NAV3: variants seen among roughly 807,000 people sequenced by gnomAD.
NAV3 encodes the protein pore membrane and/or filament interacting like protein 1.
Under a neutral mutation model 244.7 loss-of-function variants are expected in NAV3, and 87 were observed. The ratio of observed to expected loss-of-function variants is 0.36; its 90% CI spans 0.30 to 0.42. The LOEUF is 0.42. Among genes scored for constraint, NAV3 ranks in the 20% least tolerant of loss-of-function variants. The probability of loss-of-function intolerance (pLI) is 1.00; values close to 1 mark genes in which losing one functional copy is unlikely to be tolerated. For synonymous variants in NAV3, 1,126 were observed against 1,042.2 expected (o/e 1.08, Z -1.55); for missense variants, 2,663 against 2,893.3 (o/e 0.92, Z 1.83).
At chr12:77,754,047 A>G (rs1166500576) in intron 2 of NAV3, among the ~76,000 whole-genome samples, 1 of 152,180 alleles carries the variant, frequency 6.6e-6, no homozygotes, top group Non-Finnish European at 1.5e-5. Flanking sequence ...GAAATAATTA[A>G]TACTTTTAAA....
chr12:78,186,214 C>T (rs1958713118), intron 31 of NAV3, among the ~76,000 whole-genome samples: 1 of 151,712 alleles, frequency 6.6e-6, no homozygotes, highest in African/African-American at 2.4e-5. Flanking sequence ...AATTTTTTTG[C>T]AATGAAATAT....
At chr12:77,996,179 G>C (rs1431274212) in intron 6 of NAV3, among the ~76,000 whole-genome samples, 2 of 152,182 alleles carry the variant, frequency 1.3e-5, no homozygotes, top group Non-Finnish European at 2.9e-5. Flanking sequence ...ATTTGTTTAT[G>C]TGTGTGAGTT....
chr12:77,780,106 G>A (rs1036322302), intron 2 of NAV3, among the ~76,000 whole-genome samples: 2 of 151,920 alleles, frequency 1.3e-5, no homozygotes, highest in African/African-American at 4.8e-5. Flanking sequence ...AGCCATATAG[G>A]GTTTGTCAGA....
rs1398594447 is a variant in NAV3, at chr12:78,122,150, A to C, written c.3960A>C (p.Thr1320=). The C allele has an allele frequency of 6.2e-7, 1 of 1,614,150 alleles. No homozygotes were observed. Among genetic ancestry groups the C allele is most frequent in the Admixed American group, 1.7e-5 (1 of 60,016 alleles). Residue 1320 remains threonine, a synonymous_variant, in exon 16 of 40, where the codon ACA becomes ACC. Transcript: ENST00000397909. Reference sequence around the variant, plus strand: ...TCAATAAACCCTCAGACTTAACTACAGATGTTATAAGCTTAAGTCACTCGT... The same window carrying C: ...TCAATAAACCCTCAGACTTAACTACCGATGTTATAAGCTTAAGTCACTCGT... ...PLFNKPSDLT[T]DVISLSHSLA... is the part of the protein sequence containing the mutation.
At chr12:77,629,072 G>T (rs970377849) in intron 2 of NAV3, among the ~76,000 whole-genome samples, 12 of 152,056 alleles carry the variant, frequency 7.9e-5, no homozygotes, top group African/African-American at 2.9e-4. Flanking sequence ...AAAATATTAA[G>T]AATGTCTAGA....
At chr12:77,929,484 C>A (rs1293070895) in intron 1 of NAV3, among the ~76,000 whole-genome samples, 2 of 152,108 alleles carry the variant, frequency 1.3e-5, no homozygotes, top group African/African-American at 4.8e-5. Context: ...TTGAATTTAT[C>A]CACCTTGAGT....
chr12:77,854,412 C>T (rs1429759282), intron 1 of NAV3, among the ~76,000 whole-genome samples: 2 of 152,120 alleles, frequency 1.3e-5, no homozygotes, highest in Non-Finnish European at 2.9e-5. Flanking sequence ...AACAAGTGTC[C>T]TCCAACTTTT....
chr12:77,818,322 A>C lies in NAV3; in HGVS notation c.73-121997A>C, dbSNP rs149465611. 3.3e-3 allele frequency among the ~76,000 whole-genome samples: 504 copies of C among 152,244 alleles called. 1 individual carries two copies. The highest frequency in any genetic ancestry group is 0.012 in the African/African-American group (488 of 41,568). On this transcript the variant is annotated intron_variant, in intron 2 of 8. Coordinates refer to the NAV3 transcript ENST00000550042. ...GAGTTTGCAGAAATAAAACTCCTAGAATGTACATGCATTAAGTCATGATTT... is the reference window on the plus strand; with the variant it reads ...GAGTTTGCAGAAATAAAACTCCTAGCATGTACATGCATTAAGTCATGATTT...
intron 4 of NAV3, among the ~76,000 whole-genome samples, chr12:77,968,123 AG>A (rs776443328): frequency 9.3e-4 from 142 of 152,328 alleles, no homozygotes; most frequent in Non-Finnish European, 1.2e-3. Context: ...TTCTTTCTCC[AG>A]TTCGTAGCCA....
At chr12:77,921,935 GT>G (rs1213872037) in intron 1 of NAV3, among the ~76,000 whole-genome samples, 3 of 152,136 alleles carry the variant, frequency 2.0e-5, no homozygotes, top group Non-Finnish European at 4.4e-5. Flanking sequence ...ATATCATAAG[GT>G]CCTTTGGAGG....
chr12:77,860,559 T>C (rs561971534), intron 1 of NAV3, among the ~76,000 whole-genome samples: 1 of 151,970 alleles, frequency 6.6e-6, no homozygotes, highest in East Asian at 1.9e-4. Flanking sequence ...AATAGCCATC[T>C]CTAAAGTAGT....
At chr12:77,571,865 A>G (rs900474024) in exon 2 of NAV3, 5 of 152,326 alleles carry the variant, frequency 3.3e-5, no homozygotes, top group African/African-American at 1.2e-4. Context: ...ACAGGTTTAC[A>G]GGAAATCTGT....
intron 2 of NAV3, among the ~76,000 whole-genome samples, chr12:77,629,130 TATCCTGGC>T (rs1871773222): frequency 6.6e-6 from 1 of 152,194 alleles, no homozygotes; most frequent in Non-Finnish European, 1.5e-5. Context: ...CATAACAATT[TATCCTGGC>T]ATGAAAGCAA....
intron 1 of NAV3, among the ~76,000 whole-genome samples, chr12:77,904,052 G>A (rs1407627838): frequency 1.3e-5 from 2 of 152,122 alleles, no homozygotes; most frequent in African/African-American, 2.4e-5. Context: ...TGGTGGGACT[G>A]TAAACTAGTT....
In NAV3 at chr12:77,962,050, T is replaced by A. The variant is rs544820154; in HGVS notation, c.415-4179T>A. 2.0e-5 allele frequency among the ~76,000 whole-genome samples: 3 copies of A among 152,226 alleles called. No individual in the cohort carries two copies. In the East Asian group the frequency reaches 5.8e-4, roughly 29 times the overall value. ...ACTTGTTAGCAGCTTTTGATAGAGC[T>A]CATCTTTCCCTTGTGCTTAAAATAC... On this transcript the variant is annotated intron_variant, in intron 3 of 39. Transcript: ENST00000397909.
At chr12:77,701,661 A>G (rs777490145) in intron 2 of NAV3, among the ~76,000 whole-genome samples, 54 of 151,944 alleles carry the variant, frequency 3.6e-4, no homozygotes, top group Non-Finnish European at 6.5e-4. Context: ...GCACCTCACT[A>G]ATTTTGATAT....
chr12:77,998,092 A>G (rs1872660567), intron 6 of NAV3, among the ~76,000 whole-genome samples: 2 of 152,152 alleles, frequency 1.3e-5, no homozygotes, highest in African/African-American at 4.8e-5. Flanking sequence ...TTTTTAGTTA[A>G]GATTTATTTT....
At chr12:77,719,557 A>G (rs758693757) in intron 2 of NAV3, among the ~76,000 whole-genome samples, 28 of 152,166 alleles carry the variant, frequency 1.8e-4, no homozygotes, top group Non-Finnish European at 3.1e-4. Context: ...CCCTGTTGAC[A>G]TAATCATATG....
intron 1 of NAV3, among the ~76,000 whole-genome samples, chr12:77,898,224 T>C (rs1269639753): frequency 2.0e-5 from 3 of 152,196 alleles, no homozygotes; most frequent in Non-Finnish European, 4.4e-5. Context: ...CCTCTAATAA[T>C]ACATTTGCAT....
Sources: gnomAD v4.1 joint callset for allele counts (sites outside exome capture counted in the v4.1 genomes callset) on GRCh38, gnomAD v4.1.1 for gene constraint, MANE v1.5 for transcripts, NCBI Gene and HGNC (gene_info 2026-07-23, HGNC 2026-07-21) for gene names.